Variants in AXL observed in about 807,000 individuals in gnomAD.
The protein encoded by AXL is tyrosine-protein kinase receptor UFO.
In AXL, 52 loss-of-function variants were observed where a neutral mutation model predicts 104.5. The ratio of observed to expected loss-of-function variants is 0.50; its 90% confidence interval spans 0.40 to 0.63. The LOEUF is 0.63. AXL is among the 20% of genes least tolerant of loss of function. The pLI is 0.00. For missense variants in AXL, 1,024 were observed against 1,188.5 expected (o/e 0.86, Z 2.04); for synonymous variants, 455 against 473.7 (o/e 0.96, Z 0.51).
chr19:41,244,722 C>G (rs2034242705), intron 12 of AXL, among the ~76,000 whole-genome samples: 1 of 152,144 alleles, frequency 6.6e-6, no homozygotes, highest in Non-Finnish European at 1.5e-5. Context: ...AACTCCTGGC[C>G]TCAAGTGATC....
chr19:41,219,315 G>T lies in AXL; in HGVS notation c.-78G>T. 7.2e-7 allele frequency: 1 copy of T among 1,385,462 alleles called. No homozygotes were observed. The highest frequency in any genetic ancestry group is 1.3e-5 in the South Asian group (1 of 75,168). 85.8% of individuals were successfully genotyped at this position (1,385,462 alleles called of 1,614,324 possible). ...CCAAATCCGGGGAGCCTGGAGCTGG[G>T]GGGAGGGCCGGGGACAGCCCGGCCC... On this transcript the variant is annotated 5_prime_UTR_variant, in exon 1 of 20. Transcript: ENST00000301178.
At chr19:41,225,329 T>C (rs926325614) in intron 4 of AXL, among the ~76,000 whole-genome samples, 5 of 152,194 alleles carry the variant, frequency 3.3e-5, no homozygotes, top group Non-Finnish European at 5.9e-5. Flanking sequence ...TATCAGTCTG[T>C]GTCTGGGTGA....
At chr19:41,231,945 ACAAC>A (rs2033997129) in intron 6 of AXL, among the ~76,000 whole-genome samples, 1 of 116,224 alleles carries the variant, frequency 8.6e-6, no homozygotes. Context: ...AAAAGAAACA[ACAAC>A]AAAAAAAATT....
intron 4 of AXL, among the ~76,000 whole-genome samples, chr19:41,223,808 G>A (rs34326763): frequency 2.0e-5 from 3 of 151,964 alleles, no homozygotes; most frequent in South Asian, 2.1e-4. Flanking sequence ...GAGAGAAATG[G>A]GGGCTGCACA....
At chr19:41,234,907 G>C (rs1011087673) in intron 6 of AXL, among the ~76,000 whole-genome samples, 10 of 152,222 alleles carry the variant, frequency 6.6e-5, no homozygotes, top group African/African-American at 2.4e-4. Context: ...GGTTATGGGG[G>C]TTTTGTGGTT....
intron 4 of AXL, among the ~76,000 whole-genome samples, chr19:41,230,238 GTGTGTGTGCC>G (rs1249509829): frequency 1.3e-5 from 2 of 151,806 alleles, no homozygotes; most frequent in Non-Finnish European, 2.9e-5. Context: ...GTAAGAATGT[GTGTGTGTGCC>G]TGTGTGTGAC....
In AXL at chr19:41,252,871, A is replaced by G. The variant is rs1482341505; in HGVS notation, c.1830A>G (p.Arg610=). ...LIGVCFQGSE[R]ESFPAPVVIL... is the part of the protein sequence containing the mutation. ...GTGTCTGTTTCCAGGGTTCTGAACG[A>G]GAGAGCTTCCCAGCACCTGTGGTCA... The change falls in exon 16 of 20, where the codon CGA becomes CGG. Residue 610 remains arginine, a synonymous_variant. Transcript: ENST00000301178. The G allele has an allele frequency of 1.2e-6, 2 of 1,614,006 alleles. No individual in the cohort carries two copies. Among genetic ancestry groups the G allele is most frequent in the African/African-American group, 1.3e-5 (1 of 74,934 alleles).
intron 11 of AXL, 113 bp downstream of exon 11, chr19:41,243,128 G>T (rs1288917796): frequency 2.7e-6 from 4 of 1,488,884 alleles, no homozygotes; most frequent in Non-Finnish European, 2.7e-6. Flanking sequence ...TCAGAATGAG[G>T]GCAAGGGAAG....
At chr19:41,250,409 C>T (rs758331117) in intron 14 of AXL, among the ~76,000 whole-genome samples, 3 of 152,090 alleles carry the variant, frequency 2.0e-5, no homozygotes, top group Non-Finnish European at 4.4e-5. Flanking sequence ...TTATGGAGCA[C>T]CTCCTGTGTA....
intron 4 of AXL, among the ~76,000 whole-genome samples, chr19:41,222,461 C>G (rs2033808314): frequency 6.6e-6 from 1 of 152,136 alleles, no homozygotes; most frequent in South Asian, 2.1e-4. Flanking sequence ...AAGCAGGGCA[C>G]CGGAATCAAC....
At chr19:41,233,451 G>A (rs1443947841) in intron 6 of AXL, among the ~76,000 whole-genome samples, 1 of 151,492 alleles carries the variant, frequency 6.6e-6, no homozygotes, top group Admixed American at 6.6e-5. Context: ...TCGGGGGGCT[G>A]AGGCAGGTCT....
At chr19:41,249,332 G>A (rs1322254384) in intron 14 of AXL, among the ~76,000 whole-genome samples, 1 of 152,174 alleles carries the variant, frequency 6.6e-6, no homozygotes, top group Admixed American at 6.5e-5. Context: ...GCACACGCCT[G>A]TAGTCCCAGC....
chr19:41,246,719 A>T (rs1305574904), intron 12 of AXL, among the ~76,000 whole-genome samples: 1 of 152,034 alleles, frequency 6.6e-6, no homozygotes, highest in Non-Finnish European at 1.5e-5. Flanking sequence ...GGTTTCAAAA[A>T]AAATTTTTTT....
At position 41,261,039 on chromosome 19, in the gene AXL, T is replaced by C. The variant is rs1306373280; in HGVS notation, c.*1135T>C. 3 of 152,238 alleles carry C rather than the reference T, an allele frequency of 2.0e-5. No individual in the cohort carries two copies. The highest frequency in any genetic ancestry group is 7.2e-5 in the African/African-American group (3 of 41,472). 9.4% of individuals were successfully genotyped at this position (152,238 alleles called of 1,614,324 possible). ...CCTAAGGGTCGAAAGCTCTAGAATC[T>C]GCAATTCAAAAGTTCCAAGAGTCTA... On this transcript the variant is annotated 3_prime_UTR_variant, in exon 20 of 20. Coordinates refer to ENST00000301178, the MANE Select transcript of AXL (RefSeq NM_021913.5).
intron 4 of AXL, 115 bp from the exon 5 acceptor site, chr19:41,230,852 G>C: frequency 9.5e-7 from 1 of 1,053,818 alleles, no homozygotes. Flanking sequence ...GCAAGTGCCT[G>C]TGTGGGCTGC....
chr19:41,225,343 T>A (rs2033860832), intron 4 of AXL, among the ~76,000 whole-genome samples: 3 of 152,170 alleles, frequency 2.0e-5, no homozygotes, highest in African/African-American at 7.2e-5. Flanking sequence ...TGGGTGAACA[T>A]GAAACCTGGG....
intron 12 of AXL, 105 bp downstream of exon 12, chr19:41,243,812 C>T: frequency 1.1e-6 from 1 of 882,876 alleles, no homozygotes; most frequent in Non-Finnish European, 1.9e-6. Flanking sequence ...TTCTAAAGGC[C>T]TTGGGATACT....
At chr19:41,220,175 A>G (rs2033761341) in intron 1 of AXL, among the ~76,000 whole-genome samples, 2 of 144,694 alleles carry the variant, frequency 1.4e-5, no homozygotes, top group African/African-American at 5.2e-5. Flanking sequence ...CTTGCCTTGT[A>G]TCTGTGCTCC....
At chr19:41,247,680 C>T (rs998292701) in intron 12 of AXL, among the ~76,000 whole-genome samples, 22 of 151,122 alleles carry the variant, frequency 1.5e-4, no homozygotes, top group African/African-American at 4.4e-4. Context: ...CACCCCTGGG[C>T]TCAAGTGATC....
Sources: gnomAD v4.1 joint callset for allele counts (sites outside exome capture counted in the v4.1 genomes callset) on GRCh38, gnomAD v4.1.1 for gene constraint, MANE v1.5 for transcripts, NCBI Gene and HGNC (gene_info 2026-07-23, HGNC 2026-07-21) for gene names.